RBFOX2: variants seen among roughly 807,000 people sequenced by gnomAD.
RBFOX2 encodes the protein RNA binding protein fox-1 homolog 2.
A neutral mutation model predicts 49.1 loss-of-function variants in RBFOX2; 10 were observed. The ratio of observed to expected loss-of-function variants is 0.20; its 90% CI spans 0.13 to 0.35. The LOEUF (loss-of-function observed/expected upper bound fraction) is 0.35, where lower values mean the gene tolerates loss of function less well. Among genes scored for constraint, RBFOX2 ranks in the 10% least tolerant of loss-of-function variants. The pLI, the probability that RBFOX2 is intolerant of heterozygous loss-of-function variation, is 1.00. For missense variants in RBFOX2, 323 were observed against 486.9 expected (o/e 0.66, Z 3.17); for synonymous variants, 183 against 187.4 (o/e 0.98, Z 0.19).
intron 1 of RBFOX2, among the ~76,000 whole-genome samples, chr22:35,974,049 T>A (rs1463276090): frequency 2.0e-5 from 3 of 152,154 alleles, no homozygotes; most frequent in African/African-American, 2.4e-5. Flanking sequence ...CTATAAGAGA[T>A]CTGGCCCACT....
At chr22:35,891,645 C>T (rs1295568057) in intron 1 of RBFOX2, among the ~76,000 whole-genome samples, 1 of 152,182 alleles carries the variant, frequency 6.6e-6, no homozygotes, top group East Asian at 1.9e-4. Flanking sequence ...TAAGACTGCA[C>T]AGACAGGGAG....
At chr22:35,817,042 T>C (rs1273711629) in intron 1 of RBFOX2, among the ~76,000 whole-genome samples, 2 of 151,900 alleles carry the variant, frequency 1.3e-5, no homozygotes, top group African/African-American at 4.8e-5. Flanking sequence ...CTGGTGTAGA[T>C]GGTTTGGGTC....
At chr22:35,788,574 T>C (rs978808741) in intron 2 of RBFOX2, among the ~76,000 whole-genome samples, 10 of 152,218 alleles carry the variant, frequency 6.6e-5, no homozygotes, top group African/African-American at 1.9e-4. Flanking sequence ...CACAGAATTA[T>C]AGGTTGGAAA....
intron 1 of RBFOX2, among the ~76,000 whole-genome samples, chr22:35,975,101 A>G (rs1295902637): frequency 6.6e-6 from 1 of 152,234 alleles, no homozygotes; most frequent in South Asian, 2.1e-4. Flanking sequence ...ACGAAATTTT[A>G]AAAAACAAGA....
upstream of RBFOX2, among the ~76,000 whole-genome samples, chr22:35,941,397 CA>C (rs1197459604): frequency 2.0e-5 from 3 of 152,068 alleles, no homozygotes; most frequent in African/African-American, 7.2e-5. Flanking sequence ...TAGCAGTATA[CA>C]AAAATATATT....
chr22:35,990,403 G>C (rs1440359147), intron 1 of RBFOX2, among the ~76,000 whole-genome samples: 1 of 152,128 alleles, frequency 6.6e-6, no homozygotes, highest in Non-Finnish European at 1.5e-5. Context: ...CAAAGACAGG[G>C]GAGTTAACAA....
chr22:35,774,733 A>G (rs1943474032), intron 4 of RBFOX2, among the ~76,000 whole-genome samples: 1 of 152,196 alleles, frequency 6.6e-6, no homozygotes. Flanking sequence ...AAAGAAGAAT[A>G]CTGGCAGACA....
chr22:35,919,457 T>G (rs1417257105), intron 1 of RBFOX2, among the ~76,000 whole-genome samples: 2 of 150,882 alleles, frequency 1.3e-5, no homozygotes, highest in African/African-American at 2.4e-5. Flanking sequence ...AGCTTGAACC[T>G]GGGAGGCGGA....
chr22:36,003,053 T>C (rs757051524), intron 1 of RBFOX2, among the ~76,000 whole-genome samples: 1 of 152,260 alleles, frequency 6.6e-6, no homozygotes, highest in Non-Finnish European at 1.5e-5. Context: ...CCCTATACAA[T>C]GAAGATCTCT....
intron 6 of RBFOX2, among the ~76,000 whole-genome samples, chr22:35,764,529 G>A (rs1047948793): frequency 6.7e-6 from 1 of 149,638 alleles, no homozygotes; most frequent in African/African-American, 2.5e-5. Context: ...AGCTTGCAGT[G>A]AGCCTTGATT....
At chr22:35,895,449 C>A (rs1451283598) in intron 1 of RBFOX2, among the ~76,000 whole-genome samples, 3 of 152,166 alleles carry the variant, frequency 2.0e-5, no homozygotes, top group African/African-American at 7.2e-5. Flanking sequence ...TGCTCAGAGC[C>A]CACATTCCTT....
At chr22:35,940,629 T>G (rs1007201056), upstream of RBFOX2, among the ~76,000 whole-genome samples, 1 of 151,930 alleles carries the variant, frequency 6.6e-6, no homozygotes, top group Non-Finnish European at 1.5e-5. Flanking sequence ...CACAAAATAA[T>G]ATACATGAAT....
At chr22:35,809,824 C>T (rs1016343448) in exon 2 of RBFOX2, 2 of 1,614,034 alleles carry the variant, frequency 1.2e-6, no homozygotes, top group Non-Finnish European at 1.7e-6. Flanking sequence ...CTGCTCTGCT[C>T]CCCGTGGGCT....
exon 1 of RBFOX2, chr22:36,028,362 T>C: frequency 1.4e-6 from 2 of 1,398,692 alleles, no homozygotes; most frequent in Admixed American, 2.7e-5. Context: ...TCCCGCTTCA[T>C]GCCCCGGGCG....
chr22:35,816,678 C>G (rs1388898632), intron 1 of RBFOX2, among the ~76,000 whole-genome samples: 1 of 152,022 alleles, frequency 6.6e-6, no homozygotes, highest in African/African-American at 2.4e-5. Context: ...GGCCAAGATC[C>G]CAAGGAAGCT....
At chr22:36,028,245 T>C in exon 1 of RBFOX2, 1 of 1,523,144 alleles carries the variant, frequency 6.6e-7, no homozygotes, top group South Asian at 1.2e-5. Context: ...GTCACCTGCA[T>C]CCCGCCGCCA....
At chr22:35,971,427 A>T (rs904530177) in intron 1 of RBFOX2, among the ~76,000 whole-genome samples, 3 of 152,076 alleles carry the variant, frequency 2.0e-5, no homozygotes, top group Non-Finnish European at 4.4e-5. Context: ...CATGTTCCCA[A>T]TCCCCATTTC....
chr22:35,781,628 C>T, exon 3 of RBFOX2: 1 of 1,614,084 alleles, frequency 6.2e-7, no homozygotes, highest in South Asian at 1.1e-5. Flanking sequence ...GTCAGGGTCC[C>T]GGAAGCGGAA....
At chr22:35,898,334 G>T in intron 1 of RBFOX2, 1 of 703,936 alleles carries the variant, frequency 1.4e-6, no homozygotes, top group Middle Eastern at 2.5e-4. Context: ...CACGGATGTG[G>T]CTATTGCAGT....
Sources: allele counts gnomAD v4.1 joint callset (sites outside exome capture counted in the v4.1 genomes callset), GRCh38; gene constraint gnomAD v4.1.1; transcripts MANE v1.5; gene names NCBI Gene and HGNC (gene_info 2026-07-23, HGNC 2026-07-21).